PTPRD: variants seen among roughly 807,000 people sequenced by gnomAD.
PTPRD encodes the protein receptor-type tyrosine-protein phosphatase delta.
A neutral mutation model predicts 214.5 loss-of-function variants in PTPRD; 34 were observed. The ratio of observed to expected loss-of-function variants is 0.16; its 90% CI spans 0.12 to 0.21. The LOEUF (loss-of-function observed/expected upper bound fraction) is 0.21. PTPRD is among the 10% of genes least tolerant of loss of function. The pLI, the probability that PTPRD is intolerant of heterozygous loss-of-function variation, is 1.00. For missense variants in PTPRD, 2,545 were observed against 2,398.7 expected (o/e 1.06, Z -1.27); for synonymous variants, 1,128 against 845.7 (o/e 1.33, Z -5.79).
rs866499481 is a variant in PTPRD, at chr9:9,063,499, T to G, written c.-142-44764A>C. Among the ~76,000 whole-genome samples the G allele has an allele frequency of 6.6e-5, 10 of 152,278 alleles. No individual in the cohort carries two copies. In the Middle Eastern group the frequency reaches 0.01, roughly 155 times the overall value. ...TTTCCAAGTACTGTAGTATGTAATC[T>G]TACTCATTTCTTCCAACTCACTATA... On this transcript the variant is annotated intron_variant, in intron 10 of 45. Transcript: ENST00000381196.
chr9:8,446,983 A>G (rs1240582457), intron 34 of PTPRD, among the ~76,000 whole-genome samples: 1 of 152,228 alleles, frequency 6.6e-6, no homozygotes, highest in Non-Finnish European at 1.5e-5. Context: ...ATCTCTATGA[A>G]TTTCATATTA....
intron 3 of PTPRD, among the ~76,000 whole-genome samples, chr9:10,085,412 G>T (rs2098318582): frequency 1.3e-5 from 2 of 151,746 alleles, no homozygotes; most frequent in South Asian, 4.2e-4. Context: ...TAAGCAATAG[G>T]AATAGCTTTC....
At chr9:9,988,628 A>G (rs765100792) in intron 4 of PTPRD, among the ~76,000 whole-genome samples, 8 of 152,142 alleles carry the variant, frequency 5.3e-5, no homozygotes, top group Non-Finnish European at 5.9e-5. Context: ...AGTAAAGTAA[A>G]ATAGCCCAAA....
chr9:9,459,160 C>T (rs1357897123), intron 8 of PTPRD, among the ~76,000 whole-genome samples: 4 of 151,932 alleles, frequency 2.6e-5, no homozygotes, highest in Non-Finnish European at 5.9e-5. Context: ...TGTGTTGGCT[C>T]ATATGTCCAG....
At chr9:9,007,528 A>T (rs996303884) in intron 11 of PTPRD, among the ~76,000 whole-genome samples, 6 of 151,986 alleles carry the variant, frequency 3.9e-5, no homozygotes, top group African/African-American at 1.5e-4. Flanking sequence ...CCAATAAACC[A>T]AATACAAACC....
At chr9:9,968,718 A>T (rs1450579464) in intron 4 of PTPRD, among the ~76,000 whole-genome samples, 2 of 152,180 alleles carry the variant, frequency 1.3e-5, no homozygotes, top group Admixed American at 6.5e-5. Flanking sequence ...CAAAAAAGCT[A>T]GGTCACAGAA....
At chr9:10,072,549 G>A (rs1158997085) in intron 3 of PTPRD, among the ~76,000 whole-genome samples, 1 of 152,056 alleles carries the variant, frequency 6.6e-6, no homozygotes, top group Admixed American at 6.6e-5. Flanking sequence ...GCCACTGCTG[G>A]CTGGGGTGGC....
rs567594272 is a variant in PTPRD at position 9,428,662 on chromosome 9, T to C, written c.-236-31180A>G. 2.6e-5 allele frequency among the ~76,000 whole-genome samples: 4 copies of C among 152,148 alleles called. No homozygotes were observed. The South Asian group carries it at 8.3e-4, about 32-fold the overall frequency. ...GACCACATAGTTGGAAGTAAAGCACTCCTCAGAAAATGTAAAAGAACAGAA... is the reference window on the plus strand; with the variant it reads ...GACCACATAGTTGGAAGTAAAGCACCCCTCAGAAAATGTAAAAGAACAGAA... On this transcript the variant is annotated intron_variant, in intron 8 of 45. Transcript: ENST00000381196.
chr9:10,014,505 T>A (rs1319326647), intron 4 of PTPRD, among the ~76,000 whole-genome samples: 1 of 152,052 alleles, frequency 6.6e-6, no homozygotes, highest in African/African-American at 2.4e-5. Flanking sequence ...CTTGGTAACA[T>A]GAAAGACAAT....
chr9:9,008,229 A>ATTTATTTATTTT (rs2099490278), intron 11 of PTPRD, among the ~76,000 whole-genome samples: 2 of 145,336 alleles, frequency 1.4e-5, no homozygotes, highest in Admixed American at 7.0e-5. Context: ...TTATTTATTT[A>ATTTATTTATTTT]TTTATTTATT....
At chr9:9,325,704 C>T (rs529355507) in intron 9 of PTPRD, among the ~76,000 whole-genome samples, 2 of 152,230 alleles carry the variant, frequency 1.3e-5, no homozygotes, top group African/African-American at 4.8e-5. Flanking sequence ...TGCCTGATTG[C>T]CCTGGCCAGA....
intron 35 of PTPRD, among the ~76,000 whole-genome samples, chr9:8,418,852 A>G (rs542821574): frequency 7.2e-5 from 11 of 152,124 alleles, no homozygotes; most frequent in African/African-American, 1.4e-4. Flanking sequence ...CAAGGCCTAG[A>G]GTATACTGGA....
intron 5 of PTPRD, among the ~76,000 whole-genome samples, chr9:9,936,134 A>C (rs2089281061): frequency 6.8e-6 from 1 of 147,352 alleles, no homozygotes. Context: ...CCTAGAAGAA[A>C]ACCTAGGCAT....
rs993810006 is a variant in PTPRD, at chr9:8,485,964, G to A, written c.2853C>T (p.Ile951=). 2.5e-6 allele frequency: 4 copies of A among 1,614,078 alleles called. No homozygotes were observed. Among genetic ancestry groups the A allele is most frequent in the Non-Finnish European group, 3.4e-6 (4 of 1,180,036 alleles). Residue 951 remains isoleucine, a synonymous_variant, in exon 28 of 46, where the codon ATC becomes ATT. Coordinates refer to ENST00000381196, the MANE Select transcript of PTPRD (RefSeq NM_002839.4). ...CCCTATAAAGAAGGGTATACTTGGT[G>A]ATAATGCCATTTCTCTCTGCCAGGA... ...PPVLAERNGI[I]TKYTLLYRDI... is the part of the protein sequence containing the mutation.
At chr9:8,637,511 G>C (rs937942773) in intron 12 of PTPRD, among the ~76,000 whole-genome samples, 2 of 152,184 alleles carry the variant, frequency 1.3e-5, no homozygotes, top group African/African-American at 4.8e-5. Flanking sequence ...CAAAGATGTA[G>C]ACTTAAAGAT....
chr9:9,076,825 G>C (rs2099751948), intron 10 of PTPRD, among the ~76,000 whole-genome samples: 1 of 148,728 alleles, frequency 6.7e-6, no homozygotes, highest in Admixed American at 6.7e-5. Context: ...ACCTAGCTGT[G>C]GGATTGCTGG....
At chr9:10,231,956 TAGAGAGAGAGAGAGAGAGAG>T (rs56151511) in intron 3 of PTPRD, among the ~76,000 whole-genome samples, 1 of 109,020 alleles carries the variant, frequency 9.2e-6, no homozygotes, top group Admixed American at 9.1e-5. Context: ...GGGAATGAAT[TAGAGAGAGAGAGAGAGAGAG>T]AGAGAGAGAG....
At chr9:9,109,016 A>C (rs2154447624) in intron 10 of PTPRD, among the ~76,000 whole-genome samples, 1 of 152,296 alleles carries the variant, frequency 6.6e-6, no homozygotes, top group East Asian at 1.9e-4. Context: ...TTTATAAAGT[A>C]GTCAGCCTGT....
chr9:9,769,260 G>T (rs1258073699), intron 5 of PTPRD, among the ~76,000 whole-genome samples: 1 of 149,164 alleles, frequency 6.7e-6, no homozygotes, highest in African/African-American at 2.5e-5. Context: ...TACACTGGTG[G>T]TGTCAAGCTT....
Sources: allele counts gnomAD v4.1 joint callset (sites outside exome capture counted in the v4.1 genomes callset), GRCh38; gene constraint gnomAD v4.1.1; transcripts MANE v1.5; gene names NCBI Gene and HGNC (gene_info 2026-07-23, HGNC 2026-07-21).